DNAH2: variants seen among roughly 807,000 people sequenced by gnomAD.
DNAH2 encodes axonemal beta dynein heavy chain 2.
DNAH2 carries 323 observed loss-of-function variants against 523.5 expected under a neutral mutation model. That is an observed-to-expected ratio of 0.62 (90% confidence interval 0.56 to 0.68). DNAH2 has a LOEUF of 0.68. Ranked by LOEUF, DNAH2 falls within the 30% of genes least tolerant of loss-of-function variation. The pLI, the probability that DNAH2 is intolerant of heterozygous loss-of-function variation, is 0.00. For missense variants in DNAH2, 4,907 were observed against 5,701.5 expected, an observed-to-expected ratio of 0.86 and a Z score of 4.49; for synonymous variants, 2,093 against 2,177.4, an observed-to-expected ratio of 0.96 and a Z score of 1.08.
chr17:7,775,465 C>G (rs934848786), intron 30 of DNAH2, 123 bp downstream of exon 30: 32 of 869,658 alleles, frequency 3.7e-5, no homozygotes, highest in Non-Finnish European at 5.4e-5. Context: ...GTGGGCAGAT[C>G]ACCTGAGGTC....
Position 7,831,577 on chromosome 17 carries a change from G to A in DNAH2, c.12611+36G>A. The A allele has an allele frequency of 5.6e-6, 9 of 1,613,904 alleles. No individual in the cohort carries two copies. The highest frequency in any genetic ancestry group is 6.8e-6 in the Non-Finnish European group (8 of 1,179,878). ...GGGGGACTCTGCGGAACAGGGGAGG[G>A]TGTGAGGAGAAGCCTTTGCCTTCTG... On this transcript the variant is annotated intron_variant, in intron 81 of 85. Coordinates refer to ENST00000572933, the MANE Select transcript of DNAH2 (RefSeq NM_020877.5). The surrounding 1 kb of genome is among the most constrained non-coding windows in gnomAD (Gnocchi z 4.2).
chr17:7,756,634 A>T (rs1171524577), intron 12 of DNAH2, among the ~76,000 whole-genome samples: 4 of 152,084 alleles, frequency 2.6e-5, no homozygotes, highest in African/African-American at 4.8e-5. Context: ...AACATCAATC[A>T]ATATAAAAAT....
chr17:7,793,270 C>G, intron 48 of DNAH2, 65 bp downstream of exon 48: 1 of 1,523,374 alleles, frequency 6.6e-7, no homozygotes, highest in Non-Finnish European at 8.9e-7. Flanking sequence ...AGTCCCCACT[C>G]CACTGGGGCC....
chr17:7,793,502 T>TCTTTCTTTCTTC (rs1567709529), intron 48 of DNAH2, among the ~76,000 whole-genome samples: 6 of 137,784 alleles, frequency 4.4e-5, no homozygotes, highest in Non-Finnish European at 8.3e-5. Flanking sequence ...TTTCTTTCTT[T>TCTTTCTTTCTTC]CTTTCTTTCT....
chr17:7,753,229 G>A (rs1201612962), intron 12 of DNAH2, among the ~76,000 whole-genome samples: 4 of 152,052 alleles, frequency 2.6e-5, no homozygotes, highest in Non-Finnish European at 4.4e-5. Flanking sequence ...AGGCAGGAGC[G>A]CCAAGTTTGC....
chr17:7,815,392 A>T (rs1051754822), intron 63 of DNAH2, among the ~76,000 whole-genome samples: 1 of 152,244 alleles, frequency 6.6e-6, no homozygotes, highest in African/African-American at 2.4e-5. Context: ...TGTATCGTGT[A>T]AATGCTATGT....
chr17:7,730,285 T>A (rs1038724064), intron 4 of DNAH2, among the ~76,000 whole-genome samples: 1 of 152,144 alleles, frequency 6.6e-6, no homozygotes, highest in African/African-American at 2.4e-5. Context: ...GAAAATCCTA[T>A]CACTGACAGA....
In DNAH2 at chr17:7,780,228, G is replaced by A; in HGVS notation, c.5794G>A (p.Asp1932Asn). 6 of 1,614,192 alleles carry A rather than the reference G, an allele frequency of 3.7e-6. No homozygotes were observed. Among genetic ancestry groups the A allele is most frequent in the Non-Finnish European group, 5.1e-6 (6 of 1,180,038 alleles). ...CCGCCCAATTGCCATGGTGGTGCCT[G>A]ACTCCACCCTCATTGCAGAAATCAT... is the stretch of plus-strand genomic sequence containing the variant. Reference protein sequence around the residue: ...MFRPIAMVVPDSTLIAEIILF... With the variant: ...MFRPIAMVVPNSTLIAEIILF... Residue 1932 changes from aspartate to asparagine, a missense_variant, in exon 37 of 86, where the codon GAC (aspartate) becomes AAC (asparagine). Asp to Asn is a conservative substitution (Grantham distance 23). Coordinates refer to ENST00000572933, the MANE Select transcript of DNAH2 (RefSeq NM_020877.5). The surrounding 1 kb of genome is among the most constrained non-coding windows in gnomAD (Gnocchi z 4.4).
rs1185499801 is a variant in DNAH2, at chr17:7,807,242, C to T, written c.9535C>T (p.Pro3179Ser). ...GAAGATTGGGGCCTACTGCGCCCAGCCTGACTTCCAGCCTGATATCATCGG... is the reference window on the plus strand; with the variant it reads ...GAAGATTGGGGCCTACTGCGCCCAGTCTGACTTCCAGCCTGATATCATCGG... ...LKKIGAYCAQ[P>S]DFQPDIIGRV... Residue 3179 changes from proline (P) to serine (S), a missense_variant, in exon 62 of 86, where the codon CCT becomes TCT. Coordinates refer to ENST00000572933, the MANE Select transcript of DNAH2 (RefSeq NM_020877.5). The surrounding 1 kb of genome is among the most constrained non-coding windows in gnomAD (Gnocchi z 5.6). 1 of 1,613,814 alleles carries T rather than the reference C, an allele frequency of 6.2e-7. No homozygotes were observed. The highest frequency in any genetic ancestry group is 1.3e-5 in the African/African-American group (1 of 74,948).
At chr17:7,739,121 T>C in intron 8 of DNAH2, 1 of 623,964 alleles carries the variant, frequency 1.6e-6, no homozygotes, top group Non-Finnish European at 3.0e-6. Flanking sequence ...ATATTGAACT[T>C]ATGGCCAGGC....
At chr17:7,738,530 C>T (rs904312397) in intron 8 of DNAH2, among the ~76,000 whole-genome samples, 2 of 151,990 alleles carry the variant, frequency 1.3e-5, no homozygotes, top group African/African-American at 2.4e-5. Context: ...AGGGTTTCAC[C>T]GTGTTAGCCA....
Position 7,777,308 on chromosome 17 carries a change from T to C in DNAH2, c.5059-138T>C, listed in dbSNP as rs937693218. The C allele has an allele frequency of 1.4e-5, 13 of 924,284 alleles. No individual in the cohort carries two copies. The Admixed American group carries it at 1.6e-4, about 12-fold the overall frequency. 57.3% of individuals were successfully genotyped at this position (924,284 alleles called of 1,614,324 possible). On this transcript the variant is annotated intron_variant, in intron 32 of 85. Coordinates refer to ENST00000572933, the MANE Select transcript of DNAH2 (RefSeq NM_020877.5). ...ATGGAAGTCCAGTGGGGGCAGTCCG[T>C]GGTAGAGCAGAATTACCAGGAGTTA...
intron 56 of DNAH2, among the ~76,000 whole-genome samples, chr17:7,800,779 A>G (rs1164946375): frequency 6.7e-6 from 1 of 149,934 alleles, no homozygotes; most frequent in Non-Finnish European, 1.5e-5. Flanking sequence ...AGGCAGGAGA[A>G]TGGCGTGAAC....
rs759448591 is a variant in DNAH2, at chr17:7,798,241, C to G, written c.8315C>G (p.Ala2772Gly). 5.6e-6 allele frequency: 9 copies of G among 1,613,886 alleles called. No homozygotes were observed. Among genetic ancestry groups the G allele is most frequent in the Non-Finnish European group, 7.6e-6 (9 of 1,179,850 alleles). Reference sequence around the variant, plus strand: ...GGGGGCAGCGGACGCCAGAGTCTGGCCCGCCTGGCTTCATCCATCTGCGAC... The same window carrying G: ...GGGGGCAGCGGACGCCAGAGTCTGGGCCGCCTGGCTTCATCCATCTGCGAC... ...GIGGSGRQSL[A>G]RLASSICDYT... Residue 2772 changes from alanine to glycine, a missense_variant, in exon 54 of 86, where the codon GCC (alanine) becomes GGC (glycine). Physicochemically the swap from Ala to Gly is moderately conservative, Grantham distance 60. Coordinates refer to ENST00000572933, the MANE Select transcript of DNAH2 (RefSeq NM_020877.5). The surrounding 1 kb of genome is among the most constrained non-coding windows in gnomAD (Gnocchi z 5.5).
rs1236073546 is a variant in DNAH2 at position 7,760,190 on chromosome 17, A to G, written c.2785+252A>G. ...CGAGACTAGCCTGGCCAACATGGCA[A>G]AACCCCATCTCTACTAAAAATCCAA... On this transcript the variant is annotated intron_variant, in intron 17 of 85. Coordinates refer to ENST00000572933, the MANE Select transcript of DNAH2 (RefSeq NM_020877.5). The surrounding 1 kb of genome is among the most constrained non-coding windows in gnomAD (Gnocchi z 4.0). 6.6e-6 allele frequency among the ~76,000 whole-genome samples: 1 copy of G among 152,186 alleles called. No homozygotes were observed. The highest frequency in any genetic ancestry group is 6.5e-5 in the Admixed American group (1 of 15,278).
chr17:7,798,725 T>C lies in DNAH2; in HGVS notation c.8559+7T>C. 6.2e-7 allele frequency: 1 copy of C among 1,611,036 alleles called. No individual in the cohort carries two copies. Among genetic ancestry groups the C allele is most frequent in the Non-Finnish European group, 8.5e-7 (1 of 1,179,450 alleles). ...GCCTGATGAATTTGAAGAGGTAGGA[T>C]TCCTTCCACACCCTTGACCAGTCAG... On this transcript the variant is annotated splice_region_variant and intron_variant, in intron 55 of 85. Coordinates refer to ENST00000572933, the MANE Select transcript of DNAH2 (RefSeq NM_020877.5). This position sits in a 1 kb window ranked among gnomAD's most constrained non-coding sequence, Gnocchi z 5.5.
chr17:7,759,633 C>T (rs2151196043), intron 16 of DNAH2, 23 bp downstream of exon 16: 3 of 1,608,792 alleles, frequency 1.9e-6, no homozygotes, highest in African/African-American at 1.3e-5. Flanking sequence ...TTGCCCCCAA[C>T]ATCTCAAAAC....
rs1299035378 is a variant in DNAH2, at chr17:7,780,208, C to T, written c.5774C>T (p.Pro1925Leu). Reference protein sequence around the residue: ...LPENLKSMFRPIAMVVPDSTL... With the variant: ...LPENLKSMFRLIAMVVPDSTL... ...GAAAATCTTAAATCCATGTTCCGCC[C>T]AATTGCCATGGTGGTGCCTGACTCC... The change falls in exon 37 of 86, where the codon CCA becomes CTA. Residue 1925 changes from proline to leucine, a missense_variant. Pro to Leu is a moderately conservative substitution (Grantham distance 98, BLOSUM62 -3). Coordinates refer to ENST00000572933, the MANE Select transcript of DNAH2 (RefSeq NM_020877.5). This position sits in a 1 kb window ranked among gnomAD's most constrained non-coding sequence, Gnocchi z 4.4. 1.2e-6 allele frequency: 2 copies of T among 1,614,058 alleles called. No homozygotes were observed. Among genetic ancestry groups the T allele is most frequent in the African/African-American group, 2.7e-5 (2 of 74,922 alleles).
Position 7,793,019 on chromosome 17 carries a change from G to A in DNAH2, c.7383G>A (p.Arg2461=), listed in dbSNP as rs747242093. 6 of 1,613,890 alleles carry A rather than the reference G, an allele frequency of 3.7e-6. No homozygotes were observed. In the South Asian group the frequency reaches 6.6e-5, roughly 18 times the overall value. The change falls in exon 48 of 86, where the codon AGG becomes AGA. Residue 2461 remains arginine (R), a synonymous_variant. Transcript: ENST00000572933. ...ACGTGCAGAGCATCATTGAGAGCAG[G>A]GTTGAGAAGCGAACCAAGGGTGTCT... ...SNNVQSIIES[R]VEKRTKGVYV...
Sources: allele counts gnomAD v4.1 joint callset (sites outside exome capture counted in the v4.1 genomes callset), GRCh38; gene constraint gnomAD v4.1.1; non-coding constraint Gnocchi (gnomAD v3.1); transcripts MANE v1.5; gene names NCBI Gene and HGNC (gene_info 2026-07-23, HGNC 2026-07-21).